Variants in GRID2 observed in about 807,000 individuals in gnomAD.
GRID2 encodes the protein glutamate ionotropic receptor delta type subunit 2, also known as glutamate receptor ionotropic, delta-2.
GRID2 carries 33 observed loss-of-function variants against 114.8 expected under a neutral mutation model. The ratio of observed to expected loss-of-function variants is 0.29; its 90% CI spans 0.22 to 0.38. The LOEUF (loss-of-function observed/expected upper bound fraction) is 0.38, where lower values mean the gene tolerates loss of function less well. Among genes scored for constraint, GRID2 ranks in the 10% least tolerant of loss-of-function variants. GRID2 has a pLI of 1.00. For missense variants in GRID2, 1,184 were observed against 1,257.7 expected, an observed-to-expected ratio of 0.94 and a Z score of 0.89; for synonymous variants, 505 against 449.9, an observed-to-expected ratio of 1.12 and a Z score of -1.55.
intron 1 of GRID2, among the ~76,000 whole-genome samples, chr4:92,401,593 C>T (rs969606555): frequency 6.6e-6 from 1 of 152,148 alleles, no homozygotes; most frequent in Non-Finnish European, 1.5e-5. Flanking sequence ...TATGTCTACA[C>T]TATACTGTAT....
At chr4:93,412,264 GTGTGTGCC>G (rs918366626) in intron 9 of GRID2, among the ~76,000 whole-genome samples, 1 of 141,004 alleles carries the variant, frequency 7.1e-6, no homozygotes, top group Non-Finnish European at 1.5e-5. Flanking sequence ...AGGCATAACA[GTGTGTGCC>G]TGTATTCCCA....
intron 7 of GRID2, among the ~76,000 whole-genome samples, chr4:93,233,535 G>T (rs1746402699): frequency 6.6e-6 from 1 of 151,700 alleles, no homozygotes; most frequent in Non-Finnish European, 1.5e-5. Flanking sequence ...TAGAGACAGG[G>T]TTTCACCATG....
intron 2 of GRID2, among the ~76,000 whole-genome samples, chr4:92,962,253 A>G (rs1299127411): frequency 6.6e-6 from 1 of 151,798 alleles, no homozygotes; most frequent in Non-Finnish European, 1.5e-5. Context: ...ATATCTGAAC[A>G]TGATGTAGTG....
intron 1 of GRID2, among the ~76,000 whole-genome samples, chr4:92,550,626 G>A (rs1726538469): frequency 6.6e-6 from 1 of 152,112 alleles, no homozygotes; most frequent in African/African-American, 2.4e-5. Flanking sequence ...GCTTGCTCTG[G>A]GATCCTTGTT....
intron 2 of GRID2, among the ~76,000 whole-genome samples, chr4:92,648,920 T>C (rs1724221977): frequency 6.9e-6 from 1 of 144,120 alleles, no homozygotes; most frequent in South Asian, 2.2e-4. Flanking sequence ...ATGATAAATA[T>C]ATTTCATTAT....
chr4:92,388,586 G>A (rs1730091571), intron 1 of GRID2, among the ~76,000 whole-genome samples: 1 of 151,930 alleles, frequency 6.6e-6, no homozygotes, highest in South Asian at 2.1e-4. Context: ...TTTATCACAG[G>A]AATTCTGCAT....
At chr4:92,703,845 A>G (rs1485633733) in intron 2 of GRID2, among the ~76,000 whole-genome samples, 1 of 152,066 alleles carries the variant, frequency 6.6e-6, no homozygotes, top group Non-Finnish European at 1.5e-5. Flanking sequence ...TAGCACTTTT[A>G]CTTTTGTATA....
intron 1 of GRID2, among the ~76,000 whole-genome samples, chr4:92,485,731 G>T (rs1047310706): frequency 5.3e-5 from 8 of 151,490 alleles, no homozygotes; most frequent in African/African-American, 1.9e-4. Flanking sequence ...AAAACAATTT[G>T]CAAAAATATC....
intron 11 of GRID2, among the ~76,000 whole-genome samples, chr4:93,456,492 T>C (rs1358971761): frequency 1.3e-5 from 2 of 152,226 alleles, no homozygotes; most frequent in Non-Finnish European, 2.9e-5. Flanking sequence ...TAATCTTTAC[T>C]GGTGATTTAA....
intron 1 of GRID2, among the ~76,000 whole-genome samples, chr4:92,520,375 T>TAAA (rs35833244): frequency 2.6e-4 from 39 of 151,046 alleles, no homozygotes; most frequent in Non-Finnish European, 4.1e-4. Flanking sequence ...AACATATTGA[T>TAAA]AAAAAAAAAC....
chr4:92,688,037 C>CTTTTTTTTTTTTTTTTTTTTTTTT (rs760605020), intron 2 of GRID2, among the ~76,000 whole-genome samples: 7 of 44,656 alleles, frequency 1.6e-4, no homozygotes, highest in East Asian at 5.3e-4. Context: ...CCTTCTTCTT[C>CTTTTTTTTTTTTTTTTTTTTTTTT]TTTTTTTTTT....
At chr4:93,319,947 A>G (rs1418132556) in intron 8 of GRID2, among the ~76,000 whole-genome samples, 1 of 152,096 alleles carries the variant, frequency 6.6e-6, no homozygotes. Flanking sequence ...GGCTGCCCAG[A>G]CTTTTGACCT....
intron 8 of GRID2, among the ~76,000 whole-genome samples, chr4:93,329,447 T>C (rs536832123): frequency 1.3e-5 from 2 of 152,278 alleles, no homozygotes; most frequent in East Asian, 3.9e-4. Context: ...AAGATTCTTC[T>C]TTAGATTCAA....
intron 1 of GRID2, 102 bp downstream of exon 1, chr4:92,304,846 A>G: frequency 1.2e-6 from 1 of 837,140 alleles, no homozygotes. Flanking sequence ...GTCTTGTTGG[A>G]GGTGGCTTCA....
intron 1 of GRID2, among the ~76,000 whole-genome samples, chr4:92,512,696 C>T (rs1224556724): frequency 1.3e-5 from 2 of 151,738 alleles, no homozygotes; most frequent in Admixed American, 6.6e-5. Context: ...CACCTTAGTT[C>T]TGTGTGTTTT....
rs532742255 is a variant in GRID2 at position 92,539,297 on chromosome 4, A to G, written c.89-50834A>G. On this transcript the variant is annotated intron_variant, in intron 1 of 15. Coordinates refer to ENST00000282020, the MANE Select transcript of GRID2 (RefSeq NM_001510.4). ...TAACTATCTTAAATTTACACAGAGAAACATGTTGTGTCTGTAAATTTATTA... is the reference window on the plus strand; with the variant it reads ...TAACTATCTTAAATTTACACAGAGAGACATGTTGTGTCTGTAAATTTATTA... Among the ~76,000 whole-genome samples, 30 of 152,260 alleles carry G rather than the reference A, an allele frequency of 2.0e-4. No individual in the cohort carries two copies. The East Asian group carries it at 5.6e-3, about 28-fold the overall frequency.
chr4:92,975,805 T>G (rs1481589853), intron 2 of GRID2, among the ~76,000 whole-genome samples: 1 of 152,108 alleles, frequency 6.6e-6, no homozygotes, highest in Non-Finnish European at 1.5e-5. Context: ...GAATACGAAT[T>G]TAATATTTAA....
intron 14 of GRID2, among the ~76,000 whole-genome samples, chr4:93,670,934 A>G (rs1724355902): frequency 1.3e-5 from 2 of 152,188 alleles, no homozygotes; most frequent in South Asian, 4.1e-4. Flanking sequence ...CGTTTGCTTT[A>G]TGATCAAACA....
At chr4:93,679,002 G>C (rs900114659) in intron 14 of GRID2, among the ~76,000 whole-genome samples, 3 of 151,098 alleles carry the variant, frequency 2.0e-5, no homozygotes, top group African/African-American at 4.9e-5. Flanking sequence ...AAAGAGTCAA[G>C]ACCCATCAGT....
Sources: allele counts gnomAD v4.1 joint callset (sites outside exome capture counted in the v4.1 genomes callset), GRCh38; gene constraint gnomAD v4.1.1; transcripts MANE v1.5; gene names NCBI Gene and HGNC (gene_info 2026-07-23, HGNC 2026-07-21).